DOCK9: variants seen among roughly 807,000 people sequenced by gnomAD.
The protein encoded by DOCK9 is dedicator of cytokinesis 9, also known as dedicator of cytokinesis protein 9.
In DOCK9, 89 loss-of-function variants were observed where a neutral mutation model predicts 263.3. The ratio of observed to expected loss-of-function variants is 0.34; its 90% CI spans 0.28 to 0.40. The LOEUF (loss-of-function observed/expected upper bound fraction) is 0.40, where lower values mean the gene tolerates loss of function less well. Among genes scored for constraint, DOCK9 ranks in the 10% least tolerant of loss-of-function variants. The pLI is 1.00. For missense variants in DOCK9, 2,140 were observed against 2,603.4 expected (o/e 0.82, Z 3.87); for synonymous variants, 976 against 973.1 (o/e 1.00, Z -0.06).
intron 22 of DOCK9, among the ~76,000 whole-genome samples, chr13:98,883,603 A>G (rs571624794): frequency 6.6e-6 from 1 of 152,346 alleles, no homozygotes; most frequent in South Asian, 2.1e-4. Context: ...AGATCCTCCA[A>G]TGAAAGGGGA....
intron 1 of DOCK9, among the ~76,000 whole-genome samples, chr13:98,974,579 G>A (rs2060036165): frequency 6.6e-6 from 1 of 151,756 alleles, no homozygotes; most frequent in Non-Finnish European, 1.5e-5. Context: ...ATGACACCAC[G>A]TCTCTACTAA....
At chr13:98,845,653 T>C (rs2093366152) in intron 38 of DOCK9, among the ~76,000 whole-genome samples, 1 of 152,214 alleles carries the variant, frequency 6.6e-6, no homozygotes, top group East Asian at 1.9e-4. Flanking sequence ...CGGCTGGCTA[T>C]GGACCCAGCC....
intron 1 of DOCK9, among the ~76,000 whole-genome samples, chr13:99,071,502 ATACT>A (rs1566387917): frequency 6.6e-6 from 1 of 151,612 alleles, no homozygotes; most frequent in African/African-American, 2.4e-5. Flanking sequence ...AAGAGAAAAT[ATACT>A]TACTACTTGT....
intron 13 of DOCK9, among the ~76,000 whole-genome samples, chr13:98,900,101 T>C (rs116188280): frequency 9.2e-4 from 140 of 152,336 alleles, no homozygotes; most frequent in African/African-American, 3.3e-3. Flanking sequence ...TTTAATTGAA[T>C]GCTTTGGAGG....
At chr13:99,027,098 C>T (rs1595936200) in intron 1 of DOCK9, among the ~76,000 whole-genome samples, 1 of 152,134 alleles carries the variant, frequency 6.6e-6, no homozygotes, top group Non-Finnish European at 1.5e-5. Context: ...CGGCTCACTG[C>T]AACCTCTGCC....
At chr13:98,844,560 ACCATGTTGGCCAGGCTGGT>A (rs749364124) in intron 38 of DOCK9, among the ~76,000 whole-genome samples, 22 of 152,034 alleles carry the variant, frequency 1.4e-4, no homozygotes, top group Non-Finnish European at 3.1e-4. Context: ...ACGGGGTTTC[ACCATGTTGGCCAGGCTGGT>A]CTCGAACTCC....
intron 1 of DOCK9, among the ~76,000 whole-genome samples, chr13:99,036,731 G>T (rs1041978080): frequency 6.6e-6 from 1 of 152,138 alleles, no homozygotes; most frequent in Non-Finnish European, 1.5e-5. Flanking sequence ...GTAGAGACGG[G>T]ATTTCACCAT....
chr13:98,901,266 C>A (rs1285158171), intron 13 of DOCK9, among the ~76,000 whole-genome samples: 6 of 152,202 alleles, frequency 3.9e-5, no homozygotes, highest in African/African-American at 9.6e-5. Flanking sequence ...TTGAAAAAAA[C>A]CAAACATACA....
At chr13:99,067,870 CT>C (rs66506438) in intron 1 of DOCK9, among the ~76,000 whole-genome samples, 2,678 of 142,316 alleles carry the variant, frequency 0.019, 41 homozygotes, top group Non-Finnish European at 0.022. Context: ...AGGACAGAAG[CT>C]TTTTTTTTTT....
At chr13:99,065,020 C>T (rs187865154) in intron 1 of DOCK9, among the ~76,000 whole-genome samples, 3 of 152,260 alleles carry the variant, frequency 2.0e-5, no homozygotes, top group East Asian at 3.9e-4. Context: ...GCCTGTGTAA[C>T]GGGCTGGATG....
At chr13:99,026,616 T>G (rs1352089599) in intron 1 of DOCK9, among the ~76,000 whole-genome samples, 1 of 152,204 alleles carries the variant, frequency 6.6e-6, no homozygotes, top group Non-Finnish European at 1.5e-5. Flanking sequence ...GGCCAAGCCA[T>G]CTATCCCAAT....
intron 35 of DOCK9, among the ~76,000 whole-genome samples, chr13:98,850,581 T>C (rs934463044): frequency 1.3e-5 from 2 of 152,216 alleles, no homozygotes; most frequent in Admixed American, 1.3e-4. Context: ...CTATCTCAAG[T>C]TTTCCCAAGT....
chr13:98,933,413 T>C (rs1371926201), intron 2 of DOCK9, among the ~76,000 whole-genome samples: 1 of 152,174 alleles, frequency 6.6e-6, no homozygotes, highest in African/African-American at 2.4e-5. Context: ...AACAGAATCC[T>C]GAATTTTTTT....
chr13:98,957,411 A>G (rs1367447157), intron 1 of DOCK9, among the ~76,000 whole-genome samples: 1 of 152,238 alleles, frequency 6.6e-6, no homozygotes, highest in African/African-American at 2.4e-5. Flanking sequence ...TGACATGCTA[A>G]GAAAAAAAGC....
chr13:98,798,557 G>A (rs1594093024), intron 50 of DOCK9, among the ~76,000 whole-genome samples: 1 of 152,128 alleles, frequency 6.6e-6, no homozygotes, highest in South Asian at 2.1e-4. Context: ...CATCTAAAAT[G>A]ATACAAGACG....
intron 1 of DOCK9, among the ~76,000 whole-genome samples, chr13:99,018,323 T>C (rs960935401): frequency 2.6e-5 from 4 of 152,220 alleles, no homozygotes; most frequent in African/African-American, 7.2e-5. Context: ...CACTCTTGCA[T>C]GTTCTCTTTT....
chr13:99,026,721 A>G (rs1886770834), intron 1 of DOCK9, among the ~76,000 whole-genome samples: 1 of 151,832 alleles, frequency 6.6e-6, no homozygotes, highest in African/African-American at 2.4e-5. Flanking sequence ...AAAAATACCA[A>G]TTGGAGAAAA....
intron 19 of DOCK9, 93 bp downstream of exon 19, chr13:98,886,439 C>T (rs916707823): frequency 5.4e-6 from 5 of 922,040 alleles, no homozygotes; most frequent in Non-Finnish European, 8.4e-6. Context: ...GTGTAATATG[C>T]AGCTTCTCTT....
chr13:98,958,228 C>T (rs899307732), intron 1 of DOCK9, among the ~76,000 whole-genome samples: 6 of 152,214 alleles, frequency 3.9e-5, no homozygotes, highest in African/African-American at 7.2e-5. Context: ...GGCATCCCTG[C>T]GGGCAGCCAT....
Sources: gnomAD v4.1 joint callset for allele counts (sites outside exome capture counted in the v4.1 genomes callset) on GRCh38, gnomAD v4.1.1 for gene constraint, MANE v1.5 for transcripts, NCBI Gene and HGNC (gene_info 2026-07-23, HGNC 2026-07-21) for gene names.